DAPK1: variants seen among roughly 807,000 people sequenced by gnomAD.
DAPK1 encodes the protein death-associated protein kinase 1.
A neutral mutation model predicts 144.9 loss-of-function variants in DAPK1; 56 were observed. That is an observed-to-expected ratio of 0.39 (90% CI 0.31 to 0.48). DAPK1 has a LOEUF of 0.48. Among genes scored for constraint, DAPK1 ranks in the 20% least tolerant of loss-of-function variants. The probability of loss-of-function intolerance (pLI) is 0.95; values close to 1 mark genes in which losing one functional copy is unlikely to be tolerated. For missense variants in DAPK1, 1,454 were observed against 1,875.4 expected (o/e 0.78, Z 4.15); for synonymous variants, 690 against 749.0 (o/e 0.92, Z 1.29).
intron 22 of DAPK1, among the ~76,000 whole-genome samples, chr9:87,697,809 C>G (rs13296098): frequency 0.14 from 21,639 of 152,144 alleles, 2,065 homozygotes; most frequent in East Asian, 0.43. Flanking sequence ...AAAAACTTAG[C>G]CAGGTGTGGT....
At chr9:87,700,344 T>G (rs1825417590) in intron 24 of DAPK1, 107 bp downstream of exon 24, 2 of 807,640 alleles carry the variant, frequency 2.5e-6, no homozygotes, top group South Asian at 3.1e-5. Flanking sequence ...GGTGTCTGCC[T>G]GGACATGTCT....
At chr9:87,589,055 A>ATTTTTTTTTTTTTTTTTTTTTTT (rs35875159) in intron 2 of DAPK1, among the ~76,000 whole-genome samples, 1 of 101,200 alleles carries the variant, frequency 9.9e-6, no homozygotes, top group African/African-American at 4.0e-5. Context: ...CGCCCGGCTA[A>ATTTTTTTTTTTTTTTTTTTTTTT]TTTTTTTTTT....
intron 1 of DAPK1, chr9:87,498,431 G>T: frequency 3.3e-6 from 1 of 302,754 alleles, no homozygotes; most frequent in East Asian, 5.5e-5. Flanking sequence ...GGTCGGCCGG[G>T]TAACGGAGAG....
intron 24 of DAPK1, chr9:87,701,738 T>A (rs1825462815): frequency 7.2e-6 from 2 of 278,944 alleles, no homozygotes; most frequent in East Asian, 9.8e-5. Context: ...TTTTTTTTTT[T>A]AACTGCTTTG....
chr9:87,553,243 T>TG (rs35812085), intron 2 of DAPK1, among the ~76,000 whole-genome samples: 34,345 of 150,946 alleles, frequency 0.23, 4,329 homozygotes, highest in Non-Finnish European at 0.29. Flanking sequence ...GTCTGTCATG[T>TG]GGGGGGGGTT....
intron 21 of DAPK1, among the ~76,000 whole-genome samples, chr9:87,690,071 T>C (rs891891112): frequency 2.0e-5 from 3 of 152,220 alleles, no homozygotes; most frequent in African/African-American, 4.8e-5. Flanking sequence ...AGGGATTGCA[T>C]TGAATCTGTA....
In DAPK1 at chr9:87,585,535, G is replaced by A. The variant is rs150842252; in HGVS notation, c.63-19419G>A. 2.0e-3 allele frequency among the ~76,000 whole-genome samples: 302 copies of A among 152,336 alleles called. 5 individuals carry two copies. The highest frequency in any genetic ancestry group is 7.0e-3 in the African/African-American group (293 of 41,576). On this transcript the variant is annotated intron_variant, in intron 2 of 25. Transcript: ENST00000408954. ...TTAAGAAAATTATCCAGAATACACA[G>A]TCTGGGTCTCTAAGCTAATTTTGGT...
At chr9:87,639,918 C>A in intron 7 of DAPK1, 103 bp downstream of exon 7, 13 of 1,216,088 alleles carry the variant, frequency 1.1e-5, no homozygotes, top group Non-Finnish European at 1.3e-5. Context: ...CTTATGCATG[C>A]TTTTGATGCA....
chr9:87,523,003 T>C (rs1157328379), intron 2 of DAPK1, among the ~76,000 whole-genome samples: 1 of 152,228 alleles, frequency 6.6e-6, no homozygotes, highest in Non-Finnish European at 1.5e-5. Flanking sequence ...ATGTTATGAT[T>C]TGCACATCTT....
intron 3 of DAPK1, chr9:87,632,042 A>G (rs966142290): frequency 1.0e-5 from 8 of 780,520 alleles, no homozygotes; most frequent in Non-Finnish European, 1.2e-5. Context: ...GTAGGGATGA[A>G]GGAGGATGAG....
intron 2 of DAPK1, among the ~76,000 whole-genome samples, chr9:87,557,125 C>A (rs17479142): frequency 0.12 from 18,030 of 152,238 alleles, 1,364 homozygotes; most frequent in Admixed American, 0.16. Flanking sequence ...TCTTCCTCAA[C>A]ATCCTCGAAG....
chr9:87,609,737 A>G (rs1244976748), intron 3 of DAPK1, among the ~76,000 whole-genome samples: 1 of 152,184 alleles, frequency 6.6e-6, no homozygotes, highest in African/African-American at 2.4e-5. Flanking sequence ...AACTTGTCAG[A>G]ATATAACCCC....
chr9:87,519,396 A>G (rs1471250963), intron 2 of DAPK1, among the ~76,000 whole-genome samples: 1 of 152,198 alleles, frequency 6.6e-6, no homozygotes, highest in South Asian at 2.1e-4. Flanking sequence ...CTGCAACCCA[A>G]TGGCAATTGT....
intron 19 of DAPK1, among the ~76,000 whole-genome samples, chr9:87,669,164 A>G (rs2119279039): frequency 6.6e-6 from 1 of 152,262 alleles, no homozygotes; most frequent in Non-Finnish European, 1.5e-5. Context: ...TAATCTAGGA[A>G]CTCTGTTTTA....
At chr9:87,555,246 A>G (rs1826663004) in intron 2 of DAPK1, among the ~76,000 whole-genome samples, 1 of 152,194 alleles carries the variant, frequency 6.6e-6, no homozygotes, top group African/African-American at 2.4e-5. Context: ...GGGCATTTCC[A>G]TAATACAGCA....
chr9:87,688,300 CATG>C (rs1490468102), intron 21 of DAPK1, among the ~76,000 whole-genome samples: 1 of 152,188 alleles, frequency 6.6e-6, no homozygotes, highest in African/African-American at 2.4e-5. Flanking sequence ...CATAGTATTT[CATG>C]ATGTATATGT....
intron 18 of DAPK1, among the ~76,000 whole-genome samples, chr9:87,662,798 A>G (rs1052823698): frequency 6.6e-6 from 1 of 151,914 alleles, no homozygotes; most frequent in Admixed American, 6.6e-5. Flanking sequence ...CCTCTTTTCC[A>G]ATTTGGATGC....
intron 2 of DAPK1, among the ~76,000 whole-genome samples, chr9:87,572,892 A>G (rs1300011666): frequency 6.6e-6 from 1 of 152,218 alleles, no homozygotes; most frequent in East Asian, 1.9e-4. Context: ...GATGAAGCCC[A>G]TGCTGCGGCC....
chr9:87,651,728 T>G lies in DAPK1; in HGVS notation c.1824+4T>G. 6.2e-7 allele frequency: 1 copy of G among 1,613,654 alleles called. No individual in the cohort carries two copies. Among genetic ancestry groups the G allele is most frequent in the Non-Finnish European group, 8.5e-7 (1 of 1,179,702 alleles). ...CAATTTGGACATCTCCAACAAGGTA[T>G]GCACAGAGAACAGGATCCCTACAGC... On this transcript the variant is annotated splice_donor_region_variant and intron_variant, in intron 17 of 25. Coordinates refer to ENST00000408954, the MANE Select transcript of DAPK1 (RefSeq NM_004938.4).
Sources: gnomAD v4.1 joint callset for allele counts (sites outside exome capture counted in the v4.1 genomes callset) on GRCh38, gnomAD v4.1.1 for gene constraint, MANE v1.5 for transcripts, NCBI Gene and HGNC (gene_info 2026-07-23, HGNC 2026-07-21) for gene names.